Variants in ARMC9 observed in about 807,000 individuals in gnomAD.
ARMC9 encodes the protein armadillo repeat containing 9.
A neutral mutation model predicts 107.0 loss-of-function variants in ARMC9; 94 were observed. The observed-to-expected ratio is 0.88, with a 90% CI of 0.74 to 1.04. The LOEUF (loss-of-function observed/expected upper bound fraction) is 1.04, where lower values mean the gene tolerates loss of function less well. ARMC9 is among the 50% of genes least tolerant of loss of function. The pLI is 0.00. For synonymous variants in ARMC9, 380 were observed against 396.9 expected (o/e 0.96, Z 0.51); for missense variants, 942 against 1,030.1 (o/e 0.91, Z 1.17).
chr2:231,206,200 A>G lies in ARMC9; in HGVS notation c.-39A>G. The G allele has an allele frequency of 6.3e-7, 1 of 1,588,334 alleles. No homozygotes were observed. Among genetic ancestry groups the G allele is most frequent in the Non-Finnish European group, 8.6e-7 (1 of 1,157,574 alleles). On this transcript the variant is annotated splice_region_variant and 5_prime_UTR_variant, in exon 2 of 25. Transcript: ENST00000611582. The stretch of plus-strand genomic sequence containing the variant: ...TGTCTTGTATTTTTGCCTTCTAGAG[A>G]TTTTTGCTGTGAGAATTAATTACCA...
rs551156885 is a variant in ARMC9, at chr2:231,249,214, G to A, written c.880-7372G>A. On this transcript the variant is annotated intron_variant, in intron 9 of 24. Coordinates refer to ENST00000611582, the MANE Select transcript of ARMC9 (RefSeq NM_001352754.2). ...GCAGCGTTTTCCAAAGCCTGTGCCC[G>A]CAAATGCCCATCCCGCAGGATTTCC... 7.9e-5 allele frequency among the ~76,000 whole-genome samples: 12 copies of A among 152,134 alleles called. No homozygotes were observed. The East Asian group carries it at 1.9e-3, about 25-fold the overall frequency.
rs1416708648 is a variant in ARMC9 at position 231,371,683 on chromosome 2, C to T, written c.*148C>T. On this transcript the variant is annotated 3_prime_UTR_variant, in exon 25 of 25. Transcript: ENST00000611582. ...GGGAGGCCGGCTCTCCAGGCAGCAC[C>T]AGAGCAAGGCCATCGCAGCCCCGCC... 1.2e-6 allele frequency: 1 copy of T among 811,862 alleles called. No individual in the cohort carries two copies. The highest frequency in any genetic ancestry group is 1.8e-5 in the African/African-American group (1 of 55,894). The allele number at this position is 811,862 out of a possible 1,614,324, so 50.3% of individuals were successfully genotyped here.
intron 19 of ARMC9, among the ~76,000 whole-genome samples, chr2:231,323,852 A>G (rs1575081740): frequency 6.6e-6 from 1 of 152,306 alleles, no homozygotes; most frequent in East Asian, 1.9e-4. Context: ...GTTTTCTTAC[A>G]TCTATGCATT....
At chr2:231,206,707 C>T (rs1210511975) in intron 2 of ARMC9, among the ~76,000 whole-genome samples, 1 of 152,176 alleles carries the variant, frequency 6.6e-6, no homozygotes, top group East Asian at 1.9e-4. Context: ...TATGATCGGC[C>T]CTAGACATTT....
chr2:231,240,146 A>G, intron 9 of ARMC9, 105 bp downstream of exon 9: 1 of 977,046 alleles, frequency 1.0e-6, no homozygotes, highest in South Asian at 1.6e-5. Context: ...AAGAGGCTGC[A>G]TTTAAGCTGG....
chr2:231,303,942 A>C (rs1242200179), intron 19 of ARMC9, among the ~76,000 whole-genome samples: 1 of 150,232 alleles, frequency 6.7e-6, no homozygotes, highest in Non-Finnish European at 1.5e-5. Context: ...TCTCAAAAAA[A>C]TAATTATGGC....
rs552443331 is a variant in ARMC9 at position 231,244,593 on chromosome 2, C to T, written c.879+4552C>T. Among the ~76,000 whole-genome samples, 83 of 152,270 alleles carry T rather than the reference C, an allele frequency of 5.5e-4. 1 individual carries two copies. The highest frequency in any genetic ancestry group is 7.8e-4 in the Non-Finnish European group (53 of 68,002). Reference sequence around the variant, plus strand: ...CTATGTTGCCCAGGCTGGTCTCAAACTCCTGGGCTCAAGCAGTCCTCCCAC... The same window carrying T: ...CTATGTTGCCCAGGCTGGTCTCAAATTCCTGGGCTCAAGCAGTCCTCCCAC... On this transcript the variant is annotated intron_variant, in intron 9 of 24. Coordinates refer to ENST00000611582, the MANE Select transcript of ARMC9 (RefSeq NM_001352754.2).
chr2:231,209,623 C>G (rs1221063428), intron 3 of ARMC9, among the ~76,000 whole-genome samples: 2 of 152,112 alleles, frequency 1.3e-5, no homozygotes, highest in Admixed American at 6.5e-5. Context: ...GCAACCCCCG[C>G]CTCCTGGGTT....
Position 231,376,811 on chromosome 2 carries a change from G to T in ARMC9, c.*5276G>T, listed in dbSNP as rs926482256. On this transcript the variant is annotated 3_prime_UTR_variant, in exon 25 of 25. Coordinates refer to ENST00000611582, the MANE Select transcript of ARMC9 (RefSeq NM_001352754.2). ...GTGGGGCATCACGGATCCTACCAAC[G>T]TGTGATGTCTCCCCCGGACACCCAG... 3.3e-5 allele frequency among the ~76,000 whole-genome samples: 5 copies of T among 152,026 alleles called. No homozygotes were observed. Among genetic ancestry groups the T allele is most frequent in the African/African-American group, 1.2e-4 (5 of 41,332 alleles).
chr2:231,361,705 A>G (rs2045593345), intron 23 of ARMC9, among the ~76,000 whole-genome samples: 1 of 152,104 alleles, frequency 6.6e-6, no homozygotes, highest in South Asian at 2.1e-4. Flanking sequence ...CAGGCATGCC[A>G]GCTGCCCCTC....
At chr2:231,276,100 T>G (rs959505870) in intron 14 of ARMC9, among the ~76,000 whole-genome samples, 1 of 152,218 alleles carries the variant, frequency 6.6e-6, no homozygotes, top group Non-Finnish European at 1.5e-5. Flanking sequence ...AAGGAAACTT[T>G]CAAAGTAGGA....
At chr2:231,325,055 C>A (rs2043237108) in intron 19 of ARMC9, among the ~76,000 whole-genome samples, 1 of 152,128 alleles carries the variant, frequency 6.6e-6, no homozygotes, top group Non-Finnish European at 1.5e-5. Context: ...AAAACCCTGT[C>A]TCTACCAAAA....
At chr2:231,200,201 G>A (rs1179359856) in intron 1 of ARMC9, among the ~76,000 whole-genome samples, 1 of 152,152 alleles carries the variant, frequency 6.6e-6, no homozygotes, top group African/African-American at 2.4e-5. Context: ...AAGGCCTTGA[G>A]GTTGGCCTCA....
At chr2:231,270,676 T>G in intron 12 of ARMC9, 1 of 541,306 alleles carries the variant, frequency 1.8e-6, no homozygotes, top group Non-Finnish European at 3.7e-6. Flanking sequence ...GATCTGCCAT[T>G]CTAACCTGGA....
intron 19 of ARMC9, among the ~76,000 whole-genome samples, chr2:231,324,415 T>G (rs1268909419): frequency 6.8e-6 from 1 of 147,970 alleles, no homozygotes; most frequent in Non-Finnish European, 1.5e-5. Context: ...CCACGCGGCC[T>G]ATAAAGTACG....
At chr2:231,359,667 T>G (rs2045489277) in intron 22 of ARMC9, among the ~76,000 whole-genome samples, 1 of 152,154 alleles carries the variant, frequency 6.6e-6, no homozygotes, top group African/African-American at 2.4e-5. Context: ...TCGGTGTGAC[T>G]TCACTCAAGT....
chr2:231,241,410 A>G (rs2036290592), intron 9 of ARMC9, among the ~76,000 whole-genome samples: 1 of 151,924 alleles, frequency 6.6e-6, no homozygotes, highest in Admixed American at 6.6e-5. Context: ...TCTTCAAAGT[A>G]CAGGAACCCA....
Position 231,273,580 on chromosome 2 carries a change from A to G in ARMC9, c.1334+502A>G, listed in dbSNP as rs554850585. The stretch of plus-strand genomic sequence containing the variant: ...GACTTGGAACCAATGGGGCCAGGCT[A>G]ATTTCTGTATTTCTAGTAGAGACAG... On this transcript the variant is annotated intron_variant, in intron 14 of 24. Coordinates refer to ENST00000611582, the MANE Select transcript of ARMC9 (RefSeq NM_001352754.2). Among the ~76,000 whole-genome samples the G allele has an allele frequency of 2.0e-5, 3 of 152,192 alleles. No individual in the cohort carries two copies. In the South Asian group the frequency reaches 6.2e-4, roughly 32 times the overall value.
chr2:231,288,950 G>A (rs2040803007), intron 17 of ARMC9, among the ~76,000 whole-genome samples: 1 of 152,160 alleles, frequency 6.6e-6, no homozygotes, highest in South Asian at 2.1e-4. Context: ...GAAGGAGCAG[G>A]AGTTCCTTAT....
Sources: allele counts gnomAD v4.1 joint callset (sites outside exome capture counted in the v4.1 genomes callset), GRCh38; gene constraint gnomAD v4.1.1; transcripts MANE v1.5; gene names NCBI Gene and HGNC (gene_info 2026-07-23, HGNC 2026-07-21).